NEO1: variants seen among roughly 807,000 people sequenced by gnomAD.
The protein encoded by NEO1 is neogenin.
NEO1 carries 63 observed loss-of-function variants against 159.7 expected under a neutral mutation model. The observed-to-expected ratio is 0.39, with a 90% CI of 0.32 to 0.49. The LOEUF (loss-of-function observed/expected upper bound fraction) is 0.49. Ranked by LOEUF, NEO1 falls within the 20% of genes least tolerant of loss-of-function variation. The probability of loss-of-function intolerance (pLI) is 0.85; values close to 1 mark genes in which losing one functional copy is unlikely to be tolerated. For missense variants in NEO1, 1,615 were observed against 1,831.0 expected, an observed-to-expected ratio of 0.88 and a Z score of 2.15; for synonymous variants, 633 against 662.0, an observed-to-expected ratio of 0.96 and a Z score of 0.67.
intron 13 of NEO1, among the ~76,000 whole-genome samples, chr15:73,257,132 C>CAAAAAAAAAAAAAAAAAAAAAAAAAAAA (rs10623334): frequency 5.5e-5 from 3 of 54,774 alleles, no homozygotes; most frequent in Non-Finnish European, 6.9e-5. Flanking sequence ...ACTCTGTCTC[C>CAAAAAAAAAAAAAAAAAAAAAAAAAAAA]AAAAAAAAAA....
chr15:73,227,357 A>G (rs915160693), intron 7 of NEO1, among the ~76,000 whole-genome samples: 1 of 152,074 alleles, frequency 6.6e-6, no homozygotes, highest in Non-Finnish European at 1.5e-5. Context: ...TTAGCCGGGT[A>G]TGGTGGCGCA....
intron 1 of NEO1, among the ~76,000 whole-genome samples, chr15:73,058,502 G>A (rs1018392973): frequency 1.3e-5 from 2 of 152,138 alleles, no homozygotes; most frequent in Non-Finnish European, 2.9e-5. Context: ...CTGTTTTGCT[G>A]TGATAAAGAA....
intron 1 of NEO1, among the ~76,000 whole-genome samples, chr15:73,071,461 A>G (rs1038220349): frequency 1.3e-5 from 2 of 152,212 alleles, no homozygotes; most frequent in African/African-American, 4.8e-5. Flanking sequence ...CTCCTCCTCC[A>G]GGGAAAAATG....
At chr15:73,087,584 T>C (rs940843102) in intron 1 of NEO1, among the ~76,000 whole-genome samples, 1 of 152,178 alleles carries the variant, frequency 6.6e-6, no homozygotes, top group Non-Finnish European at 1.5e-5. Context: ...TATTTCTTCT[T>C]TAACTGTTTA....
chr15:73,064,360 T>C (rs1449977639), intron 1 of NEO1, among the ~76,000 whole-genome samples: 1 of 152,210 alleles, frequency 6.6e-6, no homozygotes, highest in Non-Finnish European at 1.5e-5. Context: ...TCTATTTAAA[T>C]TAGTTCATAT....
intron 16 of NEO1, among the ~76,000 whole-genome samples, chr15:73,267,326 A>G (rs572725569): frequency 1.3e-5 from 2 of 152,364 alleles, no homozygotes; most frequent in African/African-American, 2.4e-5. Flanking sequence ...CTATAGATAT[A>G]TAAGACATCT....
chr15:73,278,058 AC>A, intron 21 of NEO1, 72 bp from the exon 22 acceptor site: 1 of 1,333,446 alleles, frequency 7.5e-7, no homozygotes, highest in Non-Finnish European at 1.1e-6. Flanking sequence ...TGTTTAAAAC[AC>A]TCCCTAGCTA....
chr15:73,262,223 T>C (rs2040651007), intron 15 of NEO1, among the ~76,000 whole-genome samples: 1 of 152,184 alleles, frequency 6.6e-6, no homozygotes, highest in Non-Finnish European at 1.5e-5. Context: ...TCTTAGGTTG[T>C]AAAACAGCAC....
At chr15:73,062,657 C>A (rs1262853240) in intron 1 of NEO1, among the ~76,000 whole-genome samples, 1 of 152,080 alleles carries the variant, frequency 6.6e-6, no homozygotes, top group Non-Finnish European at 1.5e-5. Context: ...ACAGAAAGAA[C>A]AATTTTGGTT....
chr15:73,274,358 C>T (rs535400580), intron 20 of NEO1, among the ~76,000 whole-genome samples: 11 of 152,256 alleles, frequency 7.2e-5, no homozygotes, highest in African/African-American at 2.6e-4. Flanking sequence ...TAGTTCAACT[C>T]AGGCAGGCTA....
At chr15:73,215,046 A>C (rs756563105) in intron 7 of NEO1, among the ~76,000 whole-genome samples, 1 of 152,072 alleles carries the variant, frequency 6.6e-6, no homozygotes, top group Non-Finnish European at 1.5e-5. Context: ...GCTATTATAA[A>C]AGGGGTTGAG....
intron 5 of NEO1, among the ~76,000 whole-genome samples, chr15:73,176,148 A>G (rs2035269758): frequency 6.6e-6 from 1 of 152,212 alleles, no homozygotes; most frequent in Non-Finnish European, 1.5e-5. Context: ...AACTTAGTAA[A>G]TAGTTCCAAA....
intron 26 of NEO1, 26 bp downstream of exon 26, chr15:73,293,574 T>TG (rs2042241703): frequency 1.2e-6 from 2 of 1,600,968 alleles, no homozygotes; most frequent in South Asian, 2.2e-5. Flanking sequence ...CAAGCCCAGA[T>TG]GGAAACCATT....
intron 23 of NEO1, among the ~76,000 whole-genome samples, chr15:73,283,808 A>G (rs1379708135): frequency 6.6e-6 from 1 of 152,248 alleles, no homozygotes; most frequent in Non-Finnish European, 1.5e-5. Context: ...AGGCTGTGTC[A>G]CAGCACAAAT....
intron 8 of NEO1, 97 bp from the exon 9 acceptor site, chr15:73,244,247 T>TA (rs2039637144): frequency 7.3e-7 from 1 of 1,375,708 alleles, no homozygotes; most frequent in Admixed American, 2.3e-5. Context: ...TAATTTGACT[T>TA]ACACTGATAG....
At chr15:73,098,328 TTTTG>T (rs1411020471) in intron 1 of NEO1, among the ~76,000 whole-genome samples, 1 of 152,210 alleles carries the variant, frequency 6.6e-6, no homozygotes, top group Non-Finnish European at 1.5e-5. Context: ...TAAAATCTAA[TTTTG>T]TTTTTTAATT....
At chr15:73,179,469 G>A (rs62016858) in intron 7 of NEO1, among the ~76,000 whole-genome samples, 42,881 of 152,092 alleles carry the variant, frequency 0.28, 7,691 homozygotes, top group Non-Finnish European at 0.4. Context: ...TCTCACTGGA[G>A]GCATTCTGCT....
At chr15:73,203,430 C>T (rs931908120) in intron 7 of NEO1, among the ~76,000 whole-genome samples, 1 of 152,132 alleles carries the variant, frequency 6.6e-6, no homozygotes, top group African/African-American at 2.4e-5. Flanking sequence ...ATCCCTGTCA[C>T]TTAATAGGTA....
At chr15:73,203,721 C>T (rs1347543604) in intron 7 of NEO1, among the ~76,000 whole-genome samples, 1 of 152,020 alleles carries the variant, frequency 6.6e-6, no homozygotes, top group African/African-American at 2.4e-5. Context: ...TTCATTTGTA[C>T]TATAGGTATT....
Sources: gnomAD v4.1 joint callset for allele counts (sites outside exome capture counted in the v4.1 genomes callset) on GRCh38, gnomAD v4.1.1 for gene constraint, MANE v1.5 for transcripts, NCBI Gene and HGNC (gene_info 2026-07-23, HGNC 2026-07-21) for gene names.